Variants in ATG10 observed in about 807,000 individuals in gnomAD.
ATG10 encodes the protein ubiquitin-like-conjugating enzyme ATG10.
ATG10 carries 30 observed loss-of-function variants against 32.1 expected under a neutral mutation model. The observed-to-expected ratio is 0.94, with a 90% CI of 0.70 to 1.27. ATG10 has a LOEUF of 1.27. Ranked by LOEUF, ATG10 falls within the 50% of genes most tolerant of loss-of-function variation. The pLI, the probability that ATG10 is intolerant of heterozygous loss-of-function variation, is 0.00. For missense variants in ATG10, 233 were observed against 262.3 expected (o/e 0.89, Z 0.77); for synonymous variants, 87 against 91.5 (o/e 0.95, Z 0.28).
chr5:82,031,868 G>C (rs1762751691), intron 2 of ATG10, among the ~76,000 whole-genome samples: 1 of 152,230 alleles, frequency 6.6e-6, no homozygotes, highest in Non-Finnish European at 1.5e-5. Context: ...CCTCCAAATT[G>C]TGCTAACTAT....
chr5:82,050,839 C>CAAAA (rs71000881), intron 2 of ATG10, among the ~76,000 whole-genome samples: 12 of 36,292 alleles, frequency 3.3e-4, no homozygotes, highest in South Asian at 2.2e-3. Flanking sequence ...CCATCTCTAC[C>CAAAA]AAAAAAAAAA....
intron 3 of ATG10, among the ~76,000 whole-genome samples, chr5:82,154,825 A>G (rs2149886320): frequency 6.6e-6 from 1 of 152,362 alleles, no homozygotes; most frequent in Non-Finnish European, 1.5e-5. Flanking sequence ...GGTAAAAACC[A>G]AGCAAAGAAA....
At chr5:81,990,634 C>T (rs1416361951) in intron 2 of ATG10, among the ~76,000 whole-genome samples, 1 of 152,202 alleles carries the variant, frequency 6.6e-6, no homozygotes, top group Non-Finnish European at 1.5e-5. Context: ...TGTTGGCTGC[C>T]ACTGGTTGCT....
chr5:82,014,481 T>A (rs1351239479), intron 2 of ATG10, among the ~76,000 whole-genome samples: 1 of 152,202 alleles, frequency 6.6e-6, no homozygotes, highest in Non-Finnish European at 1.5e-5. Context: ...TTTGTAGGTC[T>A]CTAAGGACTT....
In ATG10 at chr5:82,113,478, A is replaced by C. The variant is rs947272589; in HGVS notation, c.217-50921A>C. On this transcript the variant is annotated intron_variant, in intron 3 of 7. Coordinates refer to ENST00000282185, the MANE Select transcript of ATG10 (RefSeq NM_031482.5). Reference sequence around the variant, plus strand: ...TCCTGTTAATAAAATTATCTGCCATAACTATTGGGAATGATATTTTATATT... The same window carrying C: ...TCCTGTTAATAAAATTATCTGCCATCACTATTGGGAATGATATTTTATATT... 2.6e-5 allele frequency among the ~76,000 whole-genome samples: 4 copies of C among 152,084 alleles called. No homozygotes were observed. In the East Asian group the frequency reaches 7.7e-4, roughly 29 times the overall value.
At chr5:82,060,854 A>G (rs55726114) in intron 3 of ATG10, among the ~76,000 whole-genome samples, 35,756 of 148,134 alleles carry the variant, frequency 0.24, 4,469 homozygotes, top group South Asian at 0.37. Context: ...CTTGTCTGGG[A>G]AAAAAAAAAA....
At chr5:82,112,405 TG>T (rs1423807789) in intron 3 of ATG10, among the ~76,000 whole-genome samples, 2 of 151,996 alleles carry the variant, frequency 1.3e-5, no homozygotes, top group Admixed American at 6.6e-5. Flanking sequence ...TTTCAGATTT[TG>T]GGGGGTAATT....
intron 3 of ATG10, among the ~76,000 whole-genome samples, chr5:82,120,956 C>A (rs186551010): frequency 3.4e-4 from 51 of 152,164 alleles, no homozygotes; most frequent in African/African-American, 1.1e-3. Flanking sequence ...TTTGAAAATC[C>A]TTTGAACTTT....
chr5:82,066,448 T>A (rs1228041544), intron 3 of ATG10, among the ~76,000 whole-genome samples: 1 of 152,140 alleles, frequency 6.6e-6, no homozygotes, highest in African/African-American at 2.4e-5. Flanking sequence ...ATTACATTTT[T>A]AAAAACTATG....
At chr5:82,033,777 C>T (rs889824642) in intron 2 of ATG10, among the ~76,000 whole-genome samples, 7 of 150,122 alleles carry the variant, frequency 4.7e-5, no homozygotes, top group South Asian at 2.1e-4. Context: ...TGTATATATA[C>T]GTGTATGTTT....
intron 5 of ATG10, 48 bp downstream of exon 5, chr5:82,178,635 C>A: frequency 8.0e-7 from 1 of 1,245,470 alleles, no homozygotes. Context: ...TGTATTCTTT[C>A]CCGCTGCTCA....
intron 4 of ATG10, among the ~76,000 whole-genome samples, chr5:82,171,933 G>T (rs570148047): frequency 6.6e-6 from 1 of 152,314 alleles, no homozygotes; most frequent in East Asian, 1.9e-4. Context: ...TTACAGTCTA[G>T]TGAGGGAAAC....
intron 3 of ATG10, among the ~76,000 whole-genome samples, chr5:82,090,318 A>G (rs1214751671): frequency 6.6e-6 from 1 of 152,196 alleles, no homozygotes; most frequent in Non-Finnish European, 1.5e-5. Flanking sequence ...ACAAATTTTT[A>G]TAGTAGTTTT....
At chr5:82,146,011 A>G (rs1310417855) in intron 3 of ATG10, among the ~76,000 whole-genome samples, 4 of 152,096 alleles carry the variant, frequency 2.6e-5, no homozygotes, top group African/African-American at 9.7e-5. Context: ...CTGGCCAAAC[A>G]TTATAGTCTT....
chr5:82,229,582 C>G (rs1418344980), intron 5 of ATG10, among the ~76,000 whole-genome samples: 1 of 152,058 alleles, frequency 6.6e-6, no homozygotes, highest in Non-Finnish European at 1.5e-5. Context: ...AGACCCTAGC[C>G]AAGGAAAATA....
Position 82,035,334 on chromosome 5 carries a change from CT to C in ATG10, c.109-23159del, listed in dbSNP as rs561966960. ...AATGTAAGCTCCATGAAGGCAAGAA[CT>C]TGTCTGTTTTGTTCACTGCTGTATT... On this transcript the variant is annotated intron_variant, in intron 2 of 7. Coordinates refer to ENST00000282185, the MANE Select transcript of ATG10 (RefSeq NM_031482.5). 1.1e-4 allele frequency among the ~76,000 whole-genome samples: 16 copies of C among 152,362 alleles called. No homozygotes were observed. In the South Asian group the frequency reaches 3.3e-3, roughly 32 times the overall value.
At chr5:82,145,731 G>A (rs1215904638) in intron 3 of ATG10, among the ~76,000 whole-genome samples, 1 of 148,790 alleles carries the variant, frequency 6.7e-6, no homozygotes, top group East Asian at 1.9e-4. Context: ...TTTTGAGACA[G>A]AGTCTTCCTC....
In ATG10 at chr5:81,996,353, TC is replaced by T. The variant is rs1196539024; in HGVS notation, c.108+8676del. 2.6e-5 allele frequency among the ~76,000 whole-genome samples: 4 copies of T among 152,300 alleles called. No individual in the cohort carries two copies. The East Asian group carries it at 7.7e-4, about 29-fold the overall frequency. ...CCTGGGCTGAAGGGATCTTCCTGTCTCAGCCTCCCCGAGTAGTTGGGACTAC... is the reference window on the plus strand; with the variant it reads ...CCTGGGCTGAAGGGATCTTCCTGTCTAGCCTCCCCGAGTAGTTGGGACTAC... On this transcript the variant is annotated intron_variant, in intron 2 of 7. Coordinates refer to ENST00000282185, the MANE Select transcript of ATG10 (RefSeq NM_031482.5).
At chr5:82,176,271 G>A (rs375223447) in intron 4 of ATG10, among the ~76,000 whole-genome samples, 2 of 152,118 alleles carry the variant, frequency 1.3e-5, no homozygotes, top group African/African-American at 4.8e-5. Flanking sequence ...GAGGCAGCGT[G>A]GACCAGCAGG....
Sources: allele counts gnomAD v4.1 joint callset (sites outside exome capture counted in the v4.1 genomes callset), GRCh38; gene constraint gnomAD v4.1.1; transcripts MANE v1.5; gene names NCBI Gene and HGNC (gene_info 2026-07-23, HGNC 2026-07-21).